CKAP4: variants seen among roughly 807,000 people sequenced by gnomAD.
The protein encoded by CKAP4 is cytoskeleton associated protein 4.
A neutral mutation model predicts 24.4 loss-of-function variants in CKAP4; 20 were observed. The ratio of observed to expected loss-of-function variants is 0.82; its 90% CI spans 0.58 to 1.19. The LOEUF (loss-of-function observed/expected upper bound fraction) is 1.19, where lower values mean the gene tolerates loss of function less well. CKAP4 is among the 50% of genes most tolerant of loss of function. CKAP4 has a pLI of 0.00. For synonymous variants in CKAP4, 378 were observed against 351.7 expected (o/e 1.07, Z -0.84); for missense variants, 744 against 765.3 (o/e 0.97, Z 0.33).
In CKAP4 at chr12:106,238,968, A is replaced by G. The variant is rs1035815042; in HGVS notation, c.*56T>C. The G allele has an allele frequency of 7.6e-6, 12 of 1,575,428 alleles. No individual in the cohort carries two copies. The highest frequency in any genetic ancestry group is 9.5e-6 in the Non-Finnish European group (11 of 1,157,496). On this transcript the variant is annotated 3_prime_UTR_variant, in exon 2 of 2. Transcript: ENST00000378026. ...GGGGACACATGGGAAAAAACCACAC[A>G]TTTTTTGGTCATGAGAAATTGGACT...
intron 1 of CKAP4, among the ~76,000 whole-genome samples, chr12:106,245,224 G>A (rs2033997730): frequency 6.6e-6 from 1 of 151,990 alleles, no homozygotes. Flanking sequence ...TGGCCACCGG[G>A]ATACAGGCGA....
Position 106,239,068 on chromosome 12 carries a change from C to T in CKAP4, c.1765G>A (p.Asp589Asn), listed in dbSNP as rs765676114. ...TTCTCCACTTTCACAAACAACCTAT[C>T]CAGATCATTCCTCAGGTCATCTAGT... ...GLLDDLRNDL[D>N]RLFVKVEKIH... The change falls in exon 2 of 2, where the codon GAT becomes AAT. Residue 589 changes from aspartate to asparagine, a missense_variant. This residue lies in a region of CKAP4 where 401 missense variants were observed against 424.5 expected (regional missense o/e 0.94). Coordinates refer to ENST00000378026, the MANE Select transcript of CKAP4 (RefSeq NM_006825.4). The surrounding 1 kb of genome is among the most constrained non-coding windows in gnomAD (Gnocchi z 4.9). 1.9e-6 allele frequency: 3 copies of T among 1,613,990 alleles called. No homozygotes were observed. In the East Asian group the frequency reaches 6.7e-5, roughly 36 times the overall value.
chr12:106,239,609 T>A lies in CKAP4; in HGVS notation c.1224A>T (p.Gly408=). 6.2e-7 allele frequency: 1 copy of A among 1,614,170 alleles called. No homozygotes were observed. Among genetic ancestry groups the A allele is most frequent in the South Asian group, 1.1e-5 (1 of 91,086 alleles). ...CCACGTGCTGGAGCCTGGAGTCCAG[T>A]CCCTGACTCTTTTGCTGGAGTGCCT... ...AFEALQQKSQ[G]LDSRLQHVED... is the part of the protein sequence containing the mutation. Residue 408 remains glycine, a synonymous_variant, in exon 2 of 2, where the codon GGA becomes GGT. Coordinates refer to ENST00000378026, the MANE Select transcript of CKAP4 (RefSeq NM_006825.4). The surrounding 1 kb of genome is among the most constrained non-coding windows in gnomAD (Gnocchi z 4.9).
intron 1 of CKAP4, 131 bp from the exon 2 acceptor site, chr12:106,240,480 A>C (rs2033960665): frequency 2.1e-6 from 2 of 972,574 alleles, no homozygotes; most frequent in Non-Finnish European, 3.0e-6. Flanking sequence ...CTTTGGAGAA[A>C]CATCCTTCCA....
rs1392758791 is a variant in CKAP4, at chr12:106,240,313, A to G, written c.520T>C (p.Ser174Pro). Reference sequence around the variant, plus strand: ...TTATGTTGGGAGCTTCTCAAGATGGACTCAAAAGTTCCAAATGTGGCTTGC... The same window carrying G: ...TTATGTTGGGAGCTTCTCAAGATGGGCTCAAAAGTTCCAAATGTGGCTTGC... ...SLQATFGTFE[S>P]ILRSSQHKQD... The change falls in exon 2 of 2, where the codon TCC becomes CCC. Residue 174 changes from serine (S) to proline (P), a missense_variant. By Grantham distance (74) the Ser-to-Pro change is moderately conservative (BLOSUM62 -1). Around this residue, in one of 3 missense-constraint regions of CKAP4, gnomAD observed 300 missense variants for 264.5 expected, o/e 1.13. Transcript: ENST00000378026. The G allele has an allele frequency of 6.2e-7, 1 of 1,613,664 alleles. No individual in the cohort carries two copies. Among genetic ancestry groups the G allele is most frequent in the African/African-American group, 1.3e-5 (1 of 74,890 alleles).
chr12:106,247,567 C>CGAGGCG lies in CKAP4; in HGVS notation c.279_284dup (p.Ala94_Ser95dup). ...GCCTGCGCGAGCAGGACGCCGAGGA[C>CGAGGCG]GAGGCGGCGGCGGCGGCAGCGGCGG... On this transcript the variant is annotated inframe_insertion, in exon 1 of 2. Coordinates refer to ENST00000378026, the MANE Select transcript of CKAP4 (RefSeq NM_006825.4). This position sits in a 1 kb window ranked among gnomAD's most constrained non-coding sequence, Gnocchi z 4.5. 1 of 1,400,336 alleles carries CGAGGCG rather than the reference C, an allele frequency of 7.1e-7. No homozygotes were observed. Among genetic ancestry groups the CGAGGCG allele is most frequent in the Non-Finnish European group, 9.3e-7 (1 of 1,071,296 alleles). 86.7% of individuals were successfully genotyped at this position (1,400,336 alleles called of 1,614,324 possible).
chr12:106,243,465 A>G (rs971895687), intron 1 of CKAP4, among the ~76,000 whole-genome samples: 3 of 152,198 alleles, frequency 2.0e-5, no homozygotes, highest in Non-Finnish European at 4.4e-5. Flanking sequence ...ACAAGAAAAC[A>G]AAGAAATATG....
chr12:106,242,664 C>T (rs1408653853), intron 1 of CKAP4, among the ~76,000 whole-genome samples: 2 of 152,230 alleles, frequency 1.3e-5, no homozygotes, highest in Non-Finnish European at 2.9e-5. Context: ...TCTGAAACTA[C>T]GTTATTAAAT....
rs1361506311 is a variant in CKAP4, at chr12:106,247,263, G to A, written c.483+106C>T. 2.6e-5 allele frequency: 27 copies of A among 1,041,808 alleles called. No individual in the cohort carries two copies. The highest frequency in any genetic ancestry group is 3.0e-5 in the Non-Finnish European group (23 of 756,892). 64.5% of individuals were successfully genotyped at this position (1,041,808 alleles called of 1,614,324 possible). ...AGGAGCGGCCGGCTCCCGCCTCCGG[G>A]CCTGGGCAGGCAGCGCTAGGGGCCG... On this transcript the variant is annotated intron_variant, in intron 1 of 1. Coordinates refer to ENST00000378026, the MANE Select transcript of CKAP4 (RefSeq NM_006825.4). The surrounding 1 kb of genome is among the most constrained non-coding windows in gnomAD (Gnocchi z 4.5).
Position 106,243,608 on chromosome 12 carries a change from A to G in CKAP4, c.484-3259T>C, listed in dbSNP as rs77993273. Among the ~76,000 whole-genome samples, 202 of 152,350 alleles carry G rather than the reference A, an allele frequency of 1.3e-3. 3 individuals are homozygous for G. The East Asian group carries it at 0.038, about 28-fold the overall frequency. Reference sequence around the variant, plus strand: ...GCAACACAGGCTCTTCAGAGGGCCTAGAGATGAACTGCCAACACTTTCTGA... The same window carrying G: ...GCAACACAGGCTCTTCAGAGGGCCTGGAGATGAACTGCCAACACTTTCTGA... On this transcript the variant is annotated intron_variant, in intron 1 of 1. Coordinates refer to ENST00000378026, the MANE Select transcript of CKAP4 (RefSeq NM_006825.4).
chr12:106,242,372 A>G (rs1305529168), intron 1 of CKAP4, among the ~76,000 whole-genome samples: 1 of 152,250 alleles, frequency 6.6e-6, no homozygotes, highest in East Asian at 1.9e-4. Context: ...AGGCAGGAGG[A>G]TAAACTGAAG....
intron 1 of CKAP4, 132 bp from the exon 2 acceptor site, chr12:106,240,481 CA>C (rs1206683475): frequency 1.0e-6 from 1 of 973,064 alleles, no homozygotes; most frequent in African/African-American, 1.7e-5. Context: ...TTTGGAGAAA[CA>C]TCCTTCCACA....
rs1334349426 is a variant in CKAP4, at chr12:106,240,014, A to G, written c.819T>C (p.Val273=). 5 of 1,613,934 alleles carry G rather than the reference A, an allele frequency of 3.1e-6. No homozygotes were observed. Among genetic ancestry groups the G allele is most frequent in the Admixed American group, 1.7e-5 (1 of 59,988 alleles). ...TCCCCTCAGATTCTTCCAGGGAGGC[A>G]ACCTTTGCCTTCATGTCATTGATCT... ...QKEINDMKAK[V]ASLEESEGNK... is the part of the protein sequence containing the mutation. The change falls in exon 2 of 2, where the codon GTT becomes GTC. Residue 273 remains valine (V), a synonymous_variant. Coordinates refer to ENST00000378026, the MANE Select transcript of CKAP4 (RefSeq NM_006825.4).
chr12:106,245,775 AG>A (rs2034004055), intron 1 of CKAP4: 1 of 152,106 alleles, frequency 6.6e-6, no homozygotes, highest in African/African-American at 2.4e-5. Flanking sequence ...TTGTATTTTT[AG>A]TAGACACAGG....
In CKAP4 at chr12:106,247,983, G is replaced by A. The variant is rs2034033490; in HGVS notation, c.-132C>T. ...GGCGCTGCTGGCGTCGGAGCGGCGA[G>A]AGGACGCGCGGCCGGGGAAGGAGGC... On this transcript the variant is annotated 5_prime_UTR_variant, in exon 1 of 2. Coordinates refer to ENST00000378026, the MANE Select transcript of CKAP4 (RefSeq NM_006825.4). The surrounding 1 kb of genome is among the most constrained non-coding windows in gnomAD (Gnocchi z 4.5). 1 of 477,450 alleles carries A rather than the reference G, an allele frequency of 2.1e-6. No homozygotes were observed. Among genetic ancestry groups the A allele is most frequent in the African/African-American group, 2.1e-5 (1 of 46,868 alleles). 29.6% of individuals were successfully genotyped at this position (477,450 alleles called of 1,614,324 possible).
At position 106,239,341 on chromosome 12, in the gene CKAP4, TG is replaced by T; in HGVS notation, c.1491del (p.Ser498AlafsTer39). On this transcript the variant is annotated frameshift_variant, in exon 2 of 2. Transcript: ENST00000378026. The surrounding 1 kb of genome is among the most constrained non-coding windows in gnomAD (Gnocchi z 4.9). The part of the protein sequence containing the change: ...EELKRSVGEL[P>X]STVESLQKVQ... ...ACCTTCTGGAGTGATTCCACGGTGCTGGGGAGCTCGCCCACACTCCTCTTCA... is the reference window on the plus strand; with the variant it reads ...ACCTTCTGGAGTGATTCCACGGTGCTGGGAGCTCGCCCACACTCCTCTTCA... 6.2e-7 allele frequency: 1 copy of T among 1,606,888 alleles called. No individual in the cohort carries two copies.
In CKAP4 at chr12:106,238,564, TGA is replaced by T. The variant is rs772930346; in HGVS notation, c.*458_*459del. 1.2e-3 allele frequency: 185 copies of T among 159,410 alleles called. No homozygotes were observed. The highest frequency in any genetic ancestry group is 2.1e-3 in the Non-Finnish European group (153 of 72,754). The allele number at this position is 159,410 out of a possible 1,614,324, so 9.9% of individuals were successfully genotyped here. On this transcript the variant is annotated 3_prime_UTR_variant, in exon 2 of 2. Transcript: ENST00000378026. Reference sequence around the variant, plus strand: ...TAACCGGTTCAAAGTGGAAGACAAGTGAGAGATATCTCATAAAAATTTCGGCC... The same window carrying T: ...TAACCGGTTCAAAGTGGAAGACAAGTGAGATATCTCATAAAAATTTCGGCC...
At position 106,238,822 on chromosome 12, in the gene CKAP4, C is replaced by A. The variant is rs946304345; in HGVS notation, c.*202G>T. 3.3e-6 allele frequency: 2 copies of A among 610,750 alleles called. No individual in the cohort carries two copies. The highest frequency in any genetic ancestry group is 1.8e-5 in the African/African-American group (1 of 54,088). The allele number at this position is 610,750 out of a possible 1,614,324, so 37.8% of individuals were successfully genotyped here. On this transcript the variant is annotated 3_prime_UTR_variant, in exon 2 of 2. Coordinates refer to ENST00000378026, the MANE Select transcript of CKAP4 (RefSeq NM_006825.4). ...CAGGGGCTGCGCTTCAGGAAACCAA[C>A]CAAATGCAGAAGCAGAGAACTTAAA...
intron 1 of CKAP4, among the ~76,000 whole-genome samples, chr12:106,244,997 G>A (rs1214494950): frequency 6.6e-6 from 1 of 152,136 alleles, no homozygotes; most frequent in Non-Finnish European, 1.5e-5. Flanking sequence ...GGGGCAGGGA[G>A]AAGCACAGAG....
Sources: allele counts gnomAD v4.1 joint callset (sites outside exome capture counted in the v4.1 genomes callset), GRCh38; gene constraint gnomAD v4.1.1; regional missense constraint gnomAD v4.1.1; non-coding constraint Gnocchi (gnomAD v3.1); transcripts MANE v1.5; gene names NCBI Gene and HGNC (gene_info 2026-07-23, HGNC 2026-07-21).